The following PCCA variants were observed in gnomAD, a reference collection of about 807,000 sequenced individuals.
PCCA encodes the protein propionyl-CoA carboxylase alpha chain, mitochondrial.
In PCCA, 74 loss-of-function variants were observed where a neutral mutation model predicts 101.3. That is an observed-to-expected ratio of 0.73 (90% confidence interval 0.61 to 0.89). The LOEUF (loss-of-function observed/expected upper bound fraction) is 0.89. PCCA is among the 40% of genes least tolerant of loss of function. PCCA has a pLI of 0.00. For synonymous variants in PCCA, 294 were observed against 313.6 expected (o/e 0.94, Z 0.66); for missense variants, 891 against 907.0 (o/e 0.98, Z 0.23).
intron 12 of PCCA, among the ~76,000 whole-genome samples, chr13:100,289,426 G>C (rs1272117025): frequency 1.3e-5 from 2 of 152,094 alleles, no homozygotes; most frequent in Non-Finnish European, 2.9e-5. Context: ...TGGGATTATA[G>C]GAGTAAGCTG....
chr13:100,136,148 A>T (rs974291114), intron 4 of PCCA, among the ~76,000 whole-genome samples: 15 of 151,018 alleles, frequency 9.9e-5, no homozygotes, highest in African/African-American at 3.7e-4. Context: ...ATTAATTGGG[A>T]AATGTTTCTT....
At chr13:100,225,824 T>C (rs1293457770) in intron 7 of PCCA, among the ~76,000 whole-genome samples, 1 of 152,086 alleles carries the variant, frequency 6.6e-6, no homozygotes, top group Non-Finnish European at 1.5e-5. Flanking sequence ...AGAGTGTCGC[T>C]CAGTCACCCA....
At chr13:100,225,989 G>A (rs1223539160) in intron 7 of PCCA, among the ~76,000 whole-genome samples, 1 of 152,024 alleles carries the variant, frequency 6.6e-6, no homozygotes, top group Admixed American at 6.5e-5. Context: ...ATAGGGTTTT[G>A]CCATGTTGCC....
chr13:100,348,688 A>G (rs9585408), intron 18 of PCCA, among the ~76,000 whole-genome samples: 30,130 of 151,616 alleles, frequency 0.2, 3,406 homozygotes, highest in Non-Finnish European at 0.27. Context: ...ATCTGGATTC[A>G]GCTTTCTTGA....
Position 100,396,594 on chromosome 13 carries a change from C to G in PCCA, c.1746+28020C>G, listed in dbSNP as rs1244337019. The stretch of plus-strand genomic sequence containing the variant: ...CCTGTGGTCCTGGCACATAAGCAGC[C>G]GAGGCTAGGCGTTCGAGGTTAGCCT... On this transcript the variant is annotated intron_variant, in intron 19 of 23. Transcript: ENST00000376285. Among the ~76,000 whole-genome samples, 9 of 152,172 alleles carry G rather than the reference C, an allele frequency of 5.9e-5. No individual in the cohort carries two copies. In the East Asian group the frequency reaches 1.7e-3, roughly 29 times the overall value.
intron 9 of PCCA, among the ~76,000 whole-genome samples, chr13:100,261,007 A>T (rs186990069): frequency 1.6e-3 from 237 of 152,264 alleles, no homozygotes; most frequent in Admixed American, 3.1e-3. Flanking sequence ...TTATATTACT[A>T]GATGGACCAT....
At chr13:100,334,584 A>G (rs1283719276) in intron 17 of PCCA, among the ~76,000 whole-genome samples, 1 of 152,208 alleles carries the variant, frequency 6.6e-6, no homozygotes, top group Non-Finnish European at 1.5e-5. Flanking sequence ...ATACTGAATT[A>G]GAGGAGAAAG....
At chr13:100,305,427 G>A (rs1366496919) in intron 14 of PCCA, among the ~76,000 whole-genome samples, 2 of 152,120 alleles carry the variant, frequency 1.3e-5, no homozygotes, top group Non-Finnish European at 2.9e-5. Context: ...TTTTATTTGT[G>A]GGTTGAACAT....
chr13:100,251,039 A>G (rs370081349), intron 8 of PCCA, among the ~76,000 whole-genome samples: 2 of 152,124 alleles, frequency 1.3e-5, no homozygotes, highest in African/African-American at 4.8e-5. Flanking sequence ...ACTGACCACT[A>G]TGTGGCTTGG....
intron 22 of PCCA, among the ~76,000 whole-genome samples, chr13:100,521,538 G>T (rs1166081434): frequency 6.6e-6 from 1 of 152,232 alleles, no homozygotes; most frequent in South Asian, 2.1e-4. Flanking sequence ...TTTACATGAA[G>T]ATGTTGGGAT....
At chr13:100,416,072 T>C (rs915458546) in intron 19 of PCCA, among the ~76,000 whole-genome samples, 3 of 152,224 alleles carry the variant, frequency 2.0e-5, no homozygotes, top group African/African-American at 7.2e-5. Flanking sequence ...ATGGAAAATG[T>C]TCCACTTCAG....
In PCCA at chr13:100,302,961, G is replaced by A; in HGVS notation, c.1247G>A (p.Arg416Lys). 6.2e-7 allele frequency: 1 copy of A among 1,607,028 alleles called. No individual in the cohort carries two copies. The highest frequency in any genetic ancestry group is 8.5e-7 in the Non-Finnish European group (1 of 1,173,676). ...TCTTTTGGTTTACCATCTATTGGGA[G>A]ATTGTCTCAGTACCAAGAACCGTTA... ...YKSFGLPSIG[R>K]LSQYQEPLHL... The change falls in exon 14 of 24, where the codon AGA becomes AAA. Residue 416 changes from arginine to lysine, a missense_variant. Arg to Lys is a conservative substitution (Grantham distance 26). Coordinates refer to ENST00000376285, the MANE Select transcript of PCCA (RefSeq NM_000282.4).
At chr13:100,354,119 T>TAAAAAA (rs1456284560) in intron 18 of PCCA, among the ~76,000 whole-genome samples, 1 of 137,186 alleles carries the variant, frequency 7.3e-6, no homozygotes, top group African/African-American at 2.6e-5. Context: ...ATAATAATAA[T>TAAAAAA]AAAATAATTC....
At chr13:100,108,950 AT>A (rs1328084223) in intron 2 of PCCA, among the ~76,000 whole-genome samples, 2 of 152,202 alleles carry the variant, frequency 1.3e-5, no homozygotes, top group Admixed American at 1.3e-4. Flanking sequence ...ATTAATTGAT[AT>A]GATTAGTTTT....
At chr13:100,478,644 G>T (rs771123716) in intron 21 of PCCA, among the ~76,000 whole-genome samples, 3 of 152,172 alleles carry the variant, frequency 2.0e-5, no homozygotes, top group Non-Finnish European at 4.4e-5. Flanking sequence ...GGGCTCGCCT[G>T]CCTCTTCACA....
At chr13:100,521,779 G>T (rs190659417) in intron 22 of PCCA, among the ~76,000 whole-genome samples, 2 of 152,264 alleles carry the variant, frequency 1.3e-5, no homozygotes, top group Admixed American at 1.3e-4. Flanking sequence ...CTTTAACAAT[G>T]AAATGGTGGG....
intron 18 of PCCA, among the ~76,000 whole-genome samples, chr13:100,354,061 A>G (rs1229027829): frequency 7.0e-6 from 1 of 143,294 alleles, no homozygotes; most frequent in Non-Finnish European, 1.5e-5. Context: ...GAAGTTTGAG[A>G]CCCCATCTCT....
At chr13:100,482,589 G>T (rs963739261) in intron 21 of PCCA, among the ~76,000 whole-genome samples, 17 of 149,634 alleles carry the variant, frequency 1.1e-4, no homozygotes, top group Middle Eastern at 6.8e-3. Flanking sequence ...TTTTGTTTTG[G>T]TTTTTTGTTT....
intron 4 of PCCA, among the ~76,000 whole-genome samples, chr13:100,127,668 G>A (rs573701481): frequency 2.0e-5 from 3 of 151,984 alleles, no homozygotes; most frequent in Non-Finnish European, 4.4e-5. Flanking sequence ...CGAGGCAGGC[G>A]GATCATGAGG....
Sources: allele counts gnomAD v4.1 joint callset (sites outside exome capture counted in the v4.1 genomes callset), GRCh38; gene constraint gnomAD v4.1.1; transcripts MANE v1.5; gene names NCBI Gene and HGNC (gene_info 2026-07-23, HGNC 2026-07-21).